Variants in PRDM1 observed in about 807,000 individuals in gnomAD.
PRDM1 encodes the protein PR/SET domain 1, also known as PR domain zinc finger protein 1.
In PRDM1, 13 loss-of-function variants were observed where a neutral mutation model predicts 62.8. The ratio of observed to expected loss-of-function variants is 0.21; its 90% confidence interval spans 0.13 to 0.33. The LOEUF is 0.33. Among genes scored for constraint, PRDM1 ranks in the 10% least tolerant of loss-of-function variants. PRDM1 has a pLI of 1.00. For synonymous variants in PRDM1, 396 were observed against 417.6 expected (o/e 0.95, Z 0.63); for missense variants, 895 against 1,058.8 (o/e 0.85, Z 2.15).
intron 1 of PRDM1, among the ~76,000 whole-genome samples, chr6:106,027,369 C>T (rs1354790404): frequency 6.6e-6 from 1 of 152,238 alleles, no homozygotes; most frequent in Non-Finnish European, 1.5e-5. Flanking sequence ...AAAAACTTCA[C>T]CAAAGATGTG....
At chr6:106,064,259 C>G (rs571063617) in intron 1 of PRDM1, among the ~76,000 whole-genome samples, 1 of 152,172 alleles carries the variant, frequency 6.6e-6, no homozygotes, top group Admixed American at 6.5e-5. Context: ...AGCAGTTAGC[C>G]TCGATGTCTA....
intron 1 of PRDM1, among the ~76,000 whole-genome samples, chr6:106,007,015 T>C (rs1044716313): frequency 5.3e-5 from 8 of 151,950 alleles, no homozygotes; most frequent in South Asian, 2.1e-4. Context: ...TTGTATTTCA[T>C]TGGGGCTTGG....
chr6:106,019,094 C>T (rs771835621), intron 1 of PRDM1, among the ~76,000 whole-genome samples: 15 of 151,550 alleles, frequency 9.9e-5, no homozygotes, highest in East Asian at 3.9e-4. Context: ...GGTGAAACCC[C>T]GTCTCTACTA....
chr6:106,093,979 T>C (rs1360496734), intron 2 of PRDM1, among the ~76,000 whole-genome samples: 2 of 152,178 alleles, frequency 1.3e-5, no homozygotes, highest in Non-Finnish European at 2.9e-5. Flanking sequence ...GAAAAAAAAA[T>C]CATTGGCTGA....
At chr6:106,082,619 T>G (rs904553372), upstream of PRDM1, among the ~76,000 whole-genome samples, 6 of 152,344 alleles carry the variant, frequency 3.9e-5, no homozygotes, top group East Asian at 1.2e-3. Context: ...TTTTATAAAG[T>G]CCTCTGGAGA....
At position 106,106,986 on chromosome 6, in the gene PRDM1, C is replaced by A. The variant is rs1774510276; in HGVS notation, c.1978C>A (p.Gln660Lys). ...ACTCCATTCTGGAGAGAAACCATAC[C>A]AATGCAAGGTGTGCCCTGCCAAGTT... is the stretch of plus-strand genomic sequence containing the variant. ...LRLHSGEKPY[Q>K]CKVCPAKFTQ... Residue 660 changes from glutamine (Q) to lysine (K), a missense_variant, in exon 7 of 7, where the codon CAA becomes AAA. Physicochemically the swap from Gln to Lys is moderately conservative, Grantham distance 53. Transcript: ENST00000369096. The surrounding 1 kb of genome is among the most constrained non-coding windows in gnomAD (Gnocchi z 4.4). 6.2e-7 allele frequency: 1 copy of A among 1,614,168 alleles called. No homozygotes were observed. The highest frequency in any genetic ancestry group is 1.1e-5 in the South Asian group (1 of 91,078).
At chr6:106,054,224 C>T (rs1773228562) in intron 1 of PRDM1, among the ~76,000 whole-genome samples, 1 of 151,796 alleles carries the variant, frequency 6.6e-6, no homozygotes, top group Admixed American at 6.6e-5. Flanking sequence ...ATAAAGAAAA[C>T]TGAAGGAAGA....
At chr6:106,075,435 A>G (rs946452693) in intron 1 of PRDM1, among the ~76,000 whole-genome samples, 2 of 152,236 alleles carry the variant, frequency 1.3e-5, no homozygotes, top group Non-Finnish European at 2.9e-5. Context: ...CATTCAGAAT[A>G]AGAACATTAA....
At chr6:106,041,446 A>G (rs1337857921) in intron 1 of PRDM1, among the ~76,000 whole-genome samples, 1 of 152,210 alleles carries the variant, frequency 6.6e-6, no homozygotes, top group African/African-American at 2.4e-5. Flanking sequence ...TTTTACTTTC[A>G]TTACCTTAAA....
chr6:106,062,152 T>C (rs981667330), intron 1 of PRDM1, among the ~76,000 whole-genome samples: 2 of 152,232 alleles, frequency 1.3e-5, no homozygotes, highest in African/African-American at 2.4e-5. Context: ...TTGATAATTC[T>C]TTTAGGATAT....
chr6:106,021,869 C>T lies in PRDM1; in HGVS notation c.-67+28230C>T, dbSNP rs561220550. On this transcript the variant is annotated intron_variant, in intron 1 of 6. Coordinates refer to the PRDM1 transcript ENST00000652320. ...TCCCAGCCTCAGGTGATCCACCCAC[C>T]TCGGCCTCCCAAAGTGCTGGGATTA... Among the ~76,000 whole-genome samples the T allele has an allele frequency of 4.6e-5, 7 of 152,334 alleles. No individual in the cohort carries two copies. In the South Asian group the frequency reaches 1.2e-3, roughly 27 times the overall value.
chr6:106,093,340 G>A (rs190789334), intron 2 of PRDM1, among the ~76,000 whole-genome samples: 5 of 152,306 alleles, frequency 3.3e-5, no homozygotes, highest in East Asian at 3.9e-4. Context: ...GCAGTGCTCC[G>A]TTTTGGTAAT....
chr6:106,032,556 G>A (rs1365709098), intron 1 of PRDM1, among the ~76,000 whole-genome samples: 1 of 152,098 alleles, frequency 6.6e-6, no homozygotes, highest in African/African-American at 2.4e-5. Context: ...TCCTGCCTCA[G>A]CCTCCTGAGT....
intron 1 of PRDM1, among the ~76,000 whole-genome samples, chr6:106,052,014 C>T (rs1773183539): frequency 6.6e-6 from 1 of 152,010 alleles, no homozygotes; most frequent in Non-Finnish European, 1.5e-5. Flanking sequence ...TAGAGGTTAC[C>T]AGGGACTAGG....
chr6:106,052,099 T>A (rs1455227041), intron 1 of PRDM1, among the ~76,000 whole-genome samples: 1 of 152,202 alleles, frequency 6.6e-6, no homozygotes, highest in Non-Finnish European at 1.5e-5. Context: ...TGGATACTGA[T>A]GATGGTTGCC....
chr6:106,013,379 G>A (rs543050399), intron 1 of PRDM1, among the ~76,000 whole-genome samples: 1 of 149,150 alleles, frequency 6.7e-6, no homozygotes, highest in South Asian at 2.1e-4. Context: ...TCGGGCTGGA[G>A]TGCAACTGCG....
intron 1 of PRDM1, among the ~76,000 whole-genome samples, chr6:106,074,002 G>T (rs1328368759): frequency 6.6e-6 from 1 of 152,158 alleles, no homozygotes; most frequent in Admixed American, 6.5e-5. Context: ...CAAAATTTGG[G>T]GGGAGGGAAG....
intron 1 of PRDM1, among the ~76,000 whole-genome samples, chr6:106,059,973 G>A (rs937182763): frequency 6.6e-6 from 1 of 152,126 alleles, no homozygotes; most frequent in Admixed American, 6.5e-5. Context: ...GTTCTGTTTT[G>A]GATTAAGATT....
chr6:106,036,270 T>C (rs1772924454), intron 1 of PRDM1, among the ~76,000 whole-genome samples: 1 of 152,060 alleles, frequency 6.6e-6, no homozygotes, highest in Non-Finnish European at 1.5e-5. Flanking sequence ...TGCCTCAGCC[T>C]CCCAAGTAGC....
Sources: allele counts gnomAD v4.1 joint callset (sites outside exome capture counted in the v4.1 genomes callset), GRCh38; gene constraint gnomAD v4.1.1; non-coding constraint Gnocchi (gnomAD v3.1); transcripts MANE v1.5; gene names NCBI Gene and HGNC (gene_info 2026-07-23, HGNC 2026-07-21).